Variants in MCM9 observed in about 807,000 individuals in gnomAD.
MCM9 encodes the protein minichromosome maintenance 9 homologous recombination repair factor, also known as DNA helicase MCM9.
Under a neutral mutation model 72.8 loss-of-function variants are expected in MCM9, and 55 were observed. The observed-to-expected ratio is 0.76, with a 90% CI of 0.61 to 0.95. The LOEUF (loss-of-function observed/expected upper bound fraction) is 0.95, where lower values mean the gene tolerates loss of function less well. MCM9 is among the 40% of genes least tolerant of loss of function. MCM9 has a pLI of 0.00. For synonymous variants in MCM9, 480 were observed against 503.4 expected, an observed-to-expected ratio of 0.95 and a Z score of 0.62; for missense variants, 1,279 against 1,377.0, an observed-to-expected ratio of 0.93 and a Z score of 1.13.
Position 118,868,441 on chromosome 6 carries a change from G to T in MCM9, c.1151-11896C>A, listed in dbSNP as rs139934258. ...AAATGGGATCTAATTAAACTAAAGAGCTTCTGCGTGGCAAAAGAAACTACC... is the reference window on the plus strand; with the variant it reads ...AAATGGGATCTAATTAAACTAAAGATCTTCTGCGTGGCAAAAGAAACTACC... On this transcript the variant is annotated intron_variant, in intron 8 of 13. Transcript: ENST00000619706. Among the ~76,000 whole-genome samples the T allele has an allele frequency of 7.0e-3, 1,072 of 152,248 alleles. 10 individuals carry two copies. Among genetic ancestry groups the T allele is most frequent in the African/African-American group, 0.024 (1,010 of 41,548 alleles).
chr6:118,894,092 A>T, intron 8 of MCM9: 3 of 1,130,732 alleles, frequency 2.7e-6, no homozygotes, highest in Non-Finnish European at 3.3e-6. Flanking sequence ...TTCCGAGTCC[A>T]TTCCGGGAGC....
chr6:118,851,619 A>T (rs572121908), intron 9 of MCM9, among the ~76,000 whole-genome samples: 1 of 151,976 alleles, frequency 6.6e-6, no homozygotes, highest in South Asian at 2.1e-4. Context: ...AATTATAGTA[A>T]TCTTTAAATG....
chr6:118,889,690 A>T (rs940489756), intron 8 of MCM9, among the ~76,000 whole-genome samples: 7 of 152,236 alleles, frequency 4.6e-5, no homozygotes, highest in African/African-American at 1.7e-4. Context: ...GAAAATAATT[A>T]TTAGGCATTT....
At position 118,905,843 on chromosome 6, in the gene MCM9, A is replaced by C. The variant is rs768496463; in HGVS notation, c.1150+5807T>G. On this transcript the variant is annotated intron_variant, in intron 8 of 13. Coordinates refer to ENST00000619706, the MANE Select transcript of MCM9 (RefSeq NM_017696.3). ...ACTTTTCTAAGGTAATGTTCTTACT[A>C]TTCCTTTTTAACTACTTTTACTATG... 5.8e-6 allele frequency: 9 copies of C among 1,549,474 alleles called. No homozygotes were observed. In the Admixed American group the frequency reaches 1.7e-4, roughly 29 times the overall value.
At chr6:118,919,910 T>C (rs1781298245) in intron 5 of MCM9, 1 of 152,218 alleles carries the variant, frequency 6.6e-6, no homozygotes, top group Non-Finnish European at 1.5e-5. Context: ...AGATCGTAAA[T>C]TCCTGAAGGG....
chr6:118,857,888 G>T (rs1483926785), intron 8 of MCM9, among the ~76,000 whole-genome samples: 2 of 152,050 alleles, frequency 1.3e-5, no homozygotes, highest in Non-Finnish European at 2.9e-5. Context: ...ACAGAAATCT[G>T]CAGGCTGAGA....
chr6:118,826,719 C>T, intron 12 of MCM9, 63 bp downstream of exon 12: 1 of 1,200,272 alleles, frequency 8.3e-7, no homozygotes, highest in Non-Finnish European at 1.2e-6. Flanking sequence ...AATAAAGTGT[C>T]CTTTTTTAAA....
At chr6:118,907,650 A>G in intron 8 of MCM9, 1 of 1,499,914 alleles carries the variant, frequency 6.7e-7, no homozygotes. Context: ...TTAAGCTATT[A>G]AAAATACACA....
At chr6:118,876,389 T>A (rs1232905484) in intron 8 of MCM9, among the ~76,000 whole-genome samples, 3 of 152,174 alleles carry the variant, frequency 2.0e-5, no homozygotes, top group African/African-American at 7.2e-5. Flanking sequence ...AGAATTTGGG[T>A]AGCAATGATG....
At chr6:118,898,419 G>A (rs1191926875) in intron 8 of MCM9, among the ~76,000 whole-genome samples, 1 of 148,962 alleles carries the variant, frequency 6.7e-6, no homozygotes, top group African/African-American at 2.5e-5. Context: ...AAACCTTTAT[G>A]TAATAATTTT....
chr6:118,897,826 TA>T (rs748981039), intron 8 of MCM9, among the ~76,000 whole-genome samples: 52 of 145,268 alleles, frequency 3.6e-4, no homozygotes, highest in Non-Finnish European at 2.6e-4. Flanking sequence ...AAAGCTGGGT[TA>T]AAAAAAAAAA....
At chr6:118,902,793 A>T (rs1200000100) in intron 8 of MCM9, among the ~76,000 whole-genome samples, 1 of 152,234 alleles carries the variant, frequency 6.6e-6, no homozygotes, top group Non-Finnish European at 1.5e-5. Context: ...AGAATTCACC[A>T]TTATCAACAG....
rs59630533 is a variant in MCM9 at position 118,814,390 on chromosome 6, CAAAAAAAA to C, written c.*426_*433del. 1.2e-5 allele frequency: 1 copy of C among 80,382 alleles called. No homozygotes were observed. Among genetic ancestry groups the C allele is most frequent in the East Asian group, 3.0e-4 (1 of 3,304 alleles). 5.0% of individuals were successfully genotyped at this position (80,382 alleles called of 1,614,324 possible). On this transcript the variant is annotated 3_prime_UTR_variant, in exon 14 of 14. Transcript: ENST00000619706. The stretch of plus-strand genomic sequence containing the variant: ...ACTTAGCCCATTCCAGGTGAAAATA[CAAAAAAAA>C]AAAAAAAAAGTAGAAAAGAGTTCAT...
chr6:118,867,885 C>CTTT (rs1425137310), intron 8 of MCM9, among the ~76,000 whole-genome samples: 3 of 142,894 alleles, frequency 2.1e-5, no homozygotes, highest in East Asian at 4.1e-4. Flanking sequence ...TTTTCTTTTT[C>CTTT]TTTTTTTTTG....
chr6:118,880,027 A>G (rs759841107), intron 8 of MCM9, among the ~76,000 whole-genome samples: 10 of 151,740 alleles, frequency 6.6e-5, no homozygotes, highest in Non-Finnish European at 1.0e-4. Flanking sequence ...GTGAGAGTGC[A>G]CAAAACAAAC....
chr6:118,930,203 T>C (rs562216255), intron 3 of MCM9, among the ~76,000 whole-genome samples: 43 of 152,280 alleles, frequency 2.8e-4, no homozygotes, highest in East Asian at 1.5e-3. Context: ...CTCCGCCTCC[T>C]GGGTTCACAC....
At chr6:118,878,493 T>C (rs906977613) in intron 8 of MCM9, among the ~76,000 whole-genome samples, 1 of 152,134 alleles carries the variant, frequency 6.6e-6, no homozygotes, top group East Asian at 1.9e-4. Flanking sequence ...AAGAAAATTG[T>C]ATAAGCACAA....
At chr6:118,910,974 G>T (rs1282461663) in intron 8 of MCM9, 1 of 985,220 alleles carries the variant, frequency 1.0e-6, no homozygotes, top group Non-Finnish European at 1.2e-6. Flanking sequence ...GAAGCCAAGG[G>T]TCTGTTTTCA....
At chr6:118,905,213 T>TG (rs1242802839) in intron 8 of MCM9, among the ~76,000 whole-genome samples, 2 of 152,184 alleles carry the variant, frequency 1.3e-5, no homozygotes, top group Non-Finnish European at 2.9e-5. Flanking sequence ...ATAAGTATCC[T>TG]GGGTTGAAGA....
Sources: gnomAD v4.1 joint callset for allele counts (sites outside exome capture counted in the v4.1 genomes callset) on GRCh38, gnomAD v4.1.1 for gene constraint, MANE v1.5 for transcripts, NCBI Gene and HGNC (gene_info 2026-07-23, HGNC 2026-07-21) for gene names.